Variants in HEATR5A observed in about 807,000 individuals in gnomAD.
HEATR5A encodes the protein HEAT repeat-containing protein 5A.
A neutral mutation model predicts 218.8 loss-of-function variants in HEATR5A; 178 were observed. The observed-to-expected ratio is 0.81, with a 90% CI of 0.72 to 0.92. HEATR5A has a LOEUF of 0.92. HEATR5A is among the 40% of genes least tolerant of loss of function. HEATR5A has a pLI of 0.00. For synonymous variants in HEATR5A, 864 were observed against 871.6 expected (o/e 0.99, Z 0.15); for missense variants, 2,420 against 2,418.9 (o/e 1.00, Z -0.01).
intron 1 of HEATR5A, among the ~76,000 whole-genome samples, chr14:31,404,222 C>T (rs577703809): frequency 6.6e-6 from 1 of 152,168 alleles, no homozygotes; most frequent in Admixed American, 6.5e-5. Context: ...GATGGGTATT[C>T]CTATTCACTA....
intron 33 of HEATR5A, among the ~76,000 whole-genome samples, chr14:31,298,687 G>C (rs1467933831): frequency 6.6e-6 from 1 of 152,054 alleles, no homozygotes; most frequent in African/African-American, 2.4e-5. Flanking sequence ...TGTTAAATGT[G>C]CTGTAAATTT....
At chr14:31,341,816 G>A (rs917131199) in intron 21 of HEATR5A, among the ~76,000 whole-genome samples, 3 of 151,890 alleles carry the variant, frequency 2.0e-5, no homozygotes, top group African/African-American at 7.3e-5. Context: ...GGTAATTAAT[G>A]GAAATCTTCT....
rs377027893 is a variant in HEATR5A, at chr14:31,345,755, T to A, written c.2869-479A>T. On this transcript the variant is annotated intron_variant, in intron 19 of 35. Transcript: ENST00000543095. ...CTGTTGCAAATTAGGATAGTGGTTA[T>A]CCTTGGTGGGGGCAGGTAGTTAACT... 2.0e-5 allele frequency among the ~76,000 whole-genome samples: 3 copies of A among 152,332 alleles called. No individual in the cohort carries two copies. In the East Asian group the frequency reaches 5.8e-4, roughly 29 times the overall value.
At chr14:31,346,565 CAT>C (rs1057109516) in intron 19 of HEATR5A, among the ~76,000 whole-genome samples, 14 of 152,158 alleles carry the variant, frequency 9.2e-5, no homozygotes, top group Admixed American at 6.5e-4. Flanking sequence ...ATGAGAATGA[CAT>C]GTGGATAAAT....
chr14:31,333,469 CT>C (rs1475035368), intron 22 of HEATR5A, among the ~76,000 whole-genome samples: 1 of 151,656 alleles, frequency 6.6e-6, no homozygotes, highest in African/African-American at 2.4e-5. Flanking sequence ...CCAGGCTGGT[CT>C]TGAACTCCTG....
At chr14:31,309,865 G>A (rs1899681180) in intron 28 of HEATR5A, among the ~76,000 whole-genome samples, 1 of 151,994 alleles carries the variant, frequency 6.6e-6, no homozygotes, top group Admixed American at 6.6e-5. Context: ...ACCACGCCCA[G>A]CTAATTTTTT....
chr14:31,326,114 G>A (rs1382692720), intron 23 of HEATR5A, 49 bp downstream of exon 23: 2 of 1,459,242 alleles, frequency 1.4e-6, no homozygotes, highest in South Asian at 1.1e-5. Flanking sequence ...TTTATGTAAA[G>A]TTTCAAATTT....
chr14:31,403,115 C>G, intron 1 of HEATR5A, 66 bp from the exon 2 acceptor site: 4 of 724,774 alleles, frequency 5.5e-6, no homozygotes, highest in Non-Finnish European at 8.6e-6. Flanking sequence ...TAACGGAAAT[C>G]AGAAAAGTGA....
intron 13 of HEATR5A, among the ~76,000 whole-genome samples, chr14:31,365,332 T>C (rs559258402): frequency 4.3e-4 from 65 of 152,280 alleles, no homozygotes; most frequent in Middle Eastern, 6.8e-3. Flanking sequence ...ATTCTGGCAA[T>C]GTTGAGTCAT....
At chr14:31,357,172 C>A (rs1051416573) in intron 16 of HEATR5A, among the ~76,000 whole-genome samples, 4 of 152,112 alleles carry the variant, frequency 2.6e-5, no homozygotes, top group Non-Finnish European at 5.9e-5. Flanking sequence ...GGAAATGCTA[C>A]AAATACATTT....
intron 13 of HEATR5A, among the ~76,000 whole-genome samples, chr14:31,366,054 A>G (rs945033983): frequency 1.3e-5 from 2 of 152,164 alleles, no homozygotes; most frequent in East Asian, 3.8e-4. Context: ...AATATTTTAA[A>G]ATGTTGTTTC....
intron 14 of HEATR5A, among the ~76,000 whole-genome samples, chr14:31,362,840 C>A (rs975363746): frequency 4.0e-5 from 6 of 151,408 alleles, no homozygotes; most frequent in African/African-American, 1.5e-4. Flanking sequence ...GATTTTAAGT[C>A]GAGATTCTTG....
rs563186540 is a variant in HEATR5A, at chr14:31,326,778, A to C, written c.3368-436T>G. Among the ~76,000 whole-genome samples, 5 of 151,228 alleles carry C rather than the reference A, an allele frequency of 3.3e-5. 1 individual carries two copies. The South Asian group carries it at 1.1e-3, about 32-fold the overall frequency. The stretch of plus-strand genomic sequence containing the variant: ...CTGCCTCAGCCTCCCTAGTAGCTAG[A>C]ATTACAGGCACCCGCCACCACGCCC... On this transcript the variant is annotated intron_variant, in intron 22 of 35. Transcript: ENST00000543095.
chr14:31,320,726 T>C, intron 25 of HEATR5A: 1 of 356,170 alleles, frequency 2.8e-6, no homozygotes, highest in Non-Finnish European at 5.3e-6. Context: ...CACTTGTTTT[T>C]TTATTTTTGT....
At chr14:31,399,849 T>C (rs1301397862) in intron 3 of HEATR5A, among the ~76,000 whole-genome samples, 1 of 151,990 alleles carries the variant, frequency 6.6e-6, no homozygotes, top group African/African-American at 2.4e-5. Flanking sequence ...AAAAAAGAAA[T>C]ATTACATGGC....
chr14:31,397,700 C>G (rs1456849915), intron 4 of HEATR5A, among the ~76,000 whole-genome samples: 2 of 151,942 alleles, frequency 1.3e-5, no homozygotes, highest in African/African-American at 4.8e-5. Context: ...GCTCTGTCAC[C>G]CAGGATGGAG....
intron 32 of HEATR5A, among the ~76,000 whole-genome samples, chr14:31,303,582 T>G (rs1436445718): frequency 2.0e-5 from 3 of 152,254 alleles, no homozygotes; most frequent in Non-Finnish European, 4.4e-5. Flanking sequence ...TTCTCTTTTA[T>G]ATGTAATAAT....
At chr14:31,373,720 G>T (rs191623420) in intron 12 of HEATR5A, among the ~76,000 whole-genome samples, 2 of 151,962 alleles carry the variant, frequency 1.3e-5, no homozygotes, top group Admixed American at 6.6e-5. Flanking sequence ...GAACTTCAAG[G>T]GTCTCTTCAT....
At chr14:31,419,988 C>T (rs1164669275) in intron 1 of HEATR5A, among the ~76,000 whole-genome samples, 2 of 152,368 alleles carry the variant, frequency 1.3e-5, no homozygotes, top group East Asian at 3.9e-4. Context: ...GGAAGCTCGC[C>T]CGAAGGCCGG....
Sources: allele counts gnomAD v4.1 joint callset (sites outside exome capture counted in the v4.1 genomes callset), GRCh38; gene constraint gnomAD v4.1.1; transcripts MANE v1.5; gene names NCBI Gene and HGNC (gene_info 2026-07-23, HGNC 2026-07-21).